DLG2: variants seen among roughly 807,000 people sequenced by gnomAD.
DLG2 encodes the protein discs large MAGUK scaffold protein 2, also known as disks large homolog 2.
Under a neutral mutation model 132.5 loss-of-function variants are expected in DLG2, and 45 were observed. The ratio of observed to expected loss-of-function variants is 0.34; its 90% CI spans 0.27 to 0.44. DLG2 has a LOEUF of 0.44. Ranked by LOEUF, DLG2 falls within the 20% of genes least tolerant of loss-of-function variation. DLG2 has a pLI of 1.00. For synonymous variants in DLG2, 424 were observed against 419.6 expected, an observed-to-expected ratio of 1.01 and a Z score of -0.13; for missense variants, 1,045 against 1,196.9, an observed-to-expected ratio of 0.87 and a Z score of 1.87.
intron 14 of DLG2, among the ~76,000 whole-genome samples, chr11:83,960,945 A>G (rs2088542060): frequency 6.6e-6 from 1 of 151,946 alleles, no homozygotes; most frequent in Non-Finnish European, 1.5e-5. Flanking sequence ...TTTGTAGGGA[A>G]ATACTAGTGA....
At chr11:84,863,222 G>T (rs1254771742) in intron 6 of DLG2, among the ~76,000 whole-genome samples, 1 of 152,044 alleles carries the variant, frequency 6.6e-6, no homozygotes, top group African/African-American at 2.4e-5. Flanking sequence ...CAGTCTAATG[G>T]ATTGTCCAGT....
chr11:83,524,734 G>A (rs1328619034), intron 21 of DLG2, among the ~76,000 whole-genome samples: 3 of 152,058 alleles, frequency 2.0e-5, no homozygotes, highest in East Asian at 1.9e-4. Flanking sequence ...TTGCACTTAC[G>A]TAATATTAAG....
At chr11:85,469,739 C>T (rs1279017477) in intron 3 of DLG2, 1 of 152,198 alleles carries the variant, frequency 6.6e-6, no homozygotes, top group African/African-American at 2.4e-5. Flanking sequence ...GAATTGATTG[C>T]CTTAAGTATT....
At chr11:83,657,695 T>C (rs564913069) in intron 18 of DLG2, among the ~76,000 whole-genome samples, 18 of 151,998 alleles carry the variant, frequency 1.2e-4, no homozygotes, top group Admixed American at 2.0e-4. Flanking sequence ...CCCGCCACCA[T>C]GCCTGGCTAA....
At chr11:83,500,498 C>T (rs2094406752) in intron 21 of DLG2, among the ~76,000 whole-genome samples, 1 of 152,136 alleles carries the variant, frequency 6.6e-6, no homozygotes, top group Admixed American at 6.6e-5. Context: ...TACATTTCTT[C>T]CAACATCCAT....
intron 14 of DLG2, among the ~76,000 whole-genome samples, chr11:83,935,652 T>G (rs1172809216): frequency 6.6e-6 from 1 of 152,196 alleles, no homozygotes; most frequent in South Asian, 2.1e-4. Context: ...ACGGGGGCAG[T>G]TGGAGTAGAT....
chr11:85,583,299 A>G, intron 3 of DLG2, among the ~76,000 whole-genome samples: 1 of 149,668 alleles, frequency 6.7e-6, no homozygotes, highest in East Asian at 2.0e-4. Flanking sequence ...CCAAGAAGTT[A>G]GAACAACACA....
intron 19 of DLG2, among the ~76,000 whole-genome samples, chr11:83,587,721 C>T (rs2097110509): frequency 6.6e-6 from 1 of 152,200 alleles, no homozygotes; most frequent in Admixed American, 6.5e-5. Context: ...GCATTTCCAT[C>T]TGAGGTACCG....
Position 85,319,734 on chromosome 11 carries a change from C to T in DLG2, c.41-34369G>A, listed in dbSNP as rs2080925512. 3.9e-5 allele frequency among the ~76,000 whole-genome samples: 6 copies of T among 151,904 alleles called. No individual in the cohort carries two copies. In the South Asian group the frequency reaches 1.2e-3, roughly 32 times the overall value. ...CCATTCCTGGAGAATGTTCAATGTG[C>T]ATTAACATATTCAACACAGTATAAC... On this transcript the variant is annotated intron_variant, in intron 3 of 27. Coordinates refer to ENST00000376104, the MANE Select transcript of DLG2 (RefSeq NM_001142699.3).
intron 6 of DLG2, among the ~76,000 whole-genome samples, chr11:85,107,844 C>A (rs2072029610): frequency 7.1e-6 from 1 of 140,528 alleles, no homozygotes; most frequent in African/African-American, 2.7e-5. Flanking sequence ...GTCCATGTTT[C>A]TAAATAATTA....
intron 3 of DLG2, among the ~76,000 whole-genome samples, chr11:85,554,585 C>A (rs1283294907): frequency 6.6e-6 from 1 of 151,826 alleles, no homozygotes; most frequent in Non-Finnish European, 1.5e-5. Context: ...GGAAGGAAGA[C>A]AACAGTCCCT....
rs183934842 is a variant in DLG2 at position 84,644,204 on chromosome 11, G to T, written c.358-109473C>A. 3.4e-3 allele frequency among the ~76,000 whole-genome samples: 511 copies of T among 152,230 alleles called. 1 individual carries two copies. The highest frequency in any genetic ancestry group is 4.6e-3 in the Non-Finnish European group (314 of 68,024). On this transcript the variant is annotated intron_variant, in intron 6 of 27. Coordinates refer to ENST00000376104, the MANE Select transcript of DLG2 (RefSeq NM_001142699.3). ...TCAAAGGTCCATCTATGTATTCTAA[G>T]CCTATCCCACTGCTTCACATGGAAT...
chr11:84,342,795 G>A (rs2098521442), intron 7 of DLG2, among the ~76,000 whole-genome samples: 1 of 151,974 alleles, frequency 6.6e-6, no homozygotes, highest in African/African-American at 2.4e-5. Context: ...ATATTTATTG[G>A]GTCTAAAATA....
At chr11:84,569,895 T>A (rs753336613) in intron 6 of DLG2, among the ~76,000 whole-genome samples, 5 of 152,160 alleles carry the variant, frequency 3.3e-5, no homozygotes, top group Non-Finnish European at 5.9e-5. Flanking sequence ...TAAATGAACA[T>A]CCACTTTACT....
chr11:84,007,151 C>A (rs1335363895), intron 11 of DLG2, among the ~76,000 whole-genome samples: 1 of 151,518 alleles, frequency 6.6e-6, no homozygotes, highest in East Asian at 1.9e-4. Flanking sequence ...GTAATTGAAA[C>A]AATTATACAA....
chr11:85,119,634 A>C (rs2074073785), intron 5 of DLG2, among the ~76,000 whole-genome samples: 1 of 152,050 alleles, frequency 6.6e-6, no homozygotes, highest in Non-Finnish European at 1.5e-5. Context: ...TATAAACTAC[A>C]AAGTCTCATG....
At position 85,270,850 on chromosome 11, in the gene DLG2, T is replaced by C. The variant is rs1455166248; in HGVS notation, c.186+14370A>G. On this transcript the variant is annotated intron_variant, in intron 4 of 27. Transcript: ENST00000376104. ...GAATAAATTTCTAAGCAGCAAAGCA[T>C]TCAAGAGGTGACTTGGGTCCTATTA... is the stretch of plus-strand genomic sequence containing the variant. Among the ~76,000 whole-genome samples the C allele has an allele frequency of 2.0e-5, 3 of 152,194 alleles. No individual in the cohort carries two copies. In the East Asian group the frequency reaches 5.8e-4, roughly 29 times the overall value.
intron 6 of DLG2, among the ~76,000 whole-genome samples, chr11:84,588,067 A>G (rs1462957164): frequency 4.6e-5 from 7 of 152,146 alleles, no homozygotes; most frequent in African/African-American, 1.7e-4. Context: ...CCATGGCCCC[A>G]GCATCATTCC....
chr11:84,906,589 A>G (rs1353942083), intron 6 of DLG2, among the ~76,000 whole-genome samples: 1 of 152,182 alleles, frequency 6.6e-6, no homozygotes, highest in African/African-American at 2.4e-5. Flanking sequence ...TATGACGCCC[A>G]TAACTCCTAA....
Sources: allele counts gnomAD v4.1 joint callset (sites outside exome capture counted in the v4.1 genomes callset), GRCh38; gene constraint gnomAD v4.1.1; transcripts MANE v1.5; gene names NCBI Gene and HGNC (gene_info 2026-07-23, HGNC 2026-07-21).